Variants in GRIK4 observed in about 807,000 individuals in gnomAD.
GRIK4 encodes glutamate receptor ionotropic, kainate 4.
A neutral mutation model predicts 104.9 loss-of-function variants in GRIK4; 40 were observed. The observed-to-expected ratio is 0.38, with a 90% CI of 0.30 to 0.50. The LOEUF is 0.50. Ranked by LOEUF, GRIK4 falls within the 20% of genes least tolerant of loss-of-function variation. The probability of loss-of-function intolerance (pLI) is 0.93; values close to 1 mark genes in which losing one functional copy is unlikely to be tolerated. For missense variants in GRIK4, 1,047 were observed against 1,308.1 expected (o/e 0.80, Z 3.08); for synonymous variants, 485 against 524.9 (o/e 0.92, Z 1.04).
intron 3 of GRIK4, among the ~76,000 whole-genome samples, chr11:120,753,219 C>T (rs1490029218): frequency 6.6e-6 from 1 of 152,016 alleles, no homozygotes; most frequent in Non-Finnish European, 1.5e-5. Context: ...GGTGCGGAGC[C>T]TGAGGGGCCT....
chr11:120,741,275 CTTTTTTTTT>C (rs762543001), intron 3 of GRIK4, among the ~76,000 whole-genome samples: 4 of 106,920 alleles, frequency 3.7e-5, no homozygotes, highest in Non-Finnish European at 7.6e-5. Context: ...CGTGTGCTTT[CTTTTTTTTT>C]TTTTTTTTTT....
chr11:120,791,746 T>G (rs1365326813), intron 3 of GRIK4, among the ~76,000 whole-genome samples: 1 of 152,226 alleles, frequency 6.6e-6, no homozygotes, highest in Non-Finnish European at 1.5e-5. Flanking sequence ...GGTCCATTTT[T>G]TTTGTTAATT....
chr11:120,514,910 G>A (rs931440750), intron 1 of GRIK4: 5 of 452,670 alleles, frequency 1.1e-5, no homozygotes, highest in African/African-American at 4.0e-5. Flanking sequence ...CCTGAGTTAC[G>A]GTCCTGAAAG....
intron 13 of GRIK4, among the ~76,000 whole-genome samples, chr11:120,931,350 T>C (rs534026817): frequency 6.6e-6 from 1 of 152,312 alleles, no homozygotes; most frequent in South Asian, 2.1e-4. Flanking sequence ...TATTGTACCA[T>C]GGAGGTCATG....
chr11:120,777,580 C>A (rs562005257), intron 3 of GRIK4, among the ~76,000 whole-genome samples: 1 of 152,348 alleles, frequency 6.6e-6, no homozygotes, highest in East Asian at 1.9e-4. Context: ...TGGGGGCTGA[C>A]AGACAGACAA....
At chr11:120,669,727 C>G (rs1304969619) in intron 3 of GRIK4, among the ~76,000 whole-genome samples, 2 of 152,268 alleles carry the variant, frequency 1.3e-5, no homozygotes, top group African/African-American at 4.8e-5. Context: ...CCTTCTCAGT[C>G]TCCTTTGCTC....
intron 1 of GRIK4, among the ~76,000 whole-genome samples, chr11:120,628,690 G>GA (rs1163751115): frequency 6.6e-6 from 1 of 152,174 alleles, no homozygotes; most frequent in African/African-American, 2.4e-5. Context: ...GGGGCCTGAG[G>GA]AAGGCAATTT....
intron 3 of GRIK4, among the ~76,000 whole-genome samples, chr11:120,739,538 A>G (rs1225923983): frequency 2.0e-5 from 3 of 152,122 alleles, no homozygotes; most frequent in Admixed American, 2.0e-4. Flanking sequence ...CATGGAGATG[A>G]TTTTCTAGGT....
intron 1 of GRIK4, among the ~76,000 whole-genome samples, chr11:120,540,357 A>C (rs1369073852): frequency 2.0e-5 from 3 of 152,202 alleles, no homozygotes; most frequent in Non-Finnish European, 4.4e-5. Context: ...GTGGCGGCTC[A>C]TGCCTGTAAT....
At chr11:120,790,309 C>G (rs1952369486) in intron 3 of GRIK4, among the ~76,000 whole-genome samples, 1 of 152,084 alleles carries the variant, frequency 6.6e-6, no homozygotes, top group Non-Finnish European at 1.5e-5. Flanking sequence ...TTACCCATGT[C>G]AATTAGAAAG....
At chr11:120,972,012 G>T (rs1944483700) in intron 19 of GRIK4, among the ~76,000 whole-genome samples, 1 of 152,216 alleles carries the variant, frequency 6.6e-6, no homozygotes, top group Non-Finnish European at 1.5e-5. Flanking sequence ...CAGCCTACTT[G>T]TTCAGAATTT....
At chr11:120,708,703 TG>T (rs1013508091) in intron 3 of GRIK4, among the ~76,000 whole-genome samples, 2 of 152,216 alleles carry the variant, frequency 1.3e-5, no homozygotes, top group African/African-American at 4.8e-5. Context: ...TCAGTCGGGC[TG>T]GGCCAGAACG....
At chr11:120,858,720 CT>C (rs1427085087) in intron 8 of GRIK4, among the ~76,000 whole-genome samples, 2 of 152,186 alleles carry the variant, frequency 1.3e-5, no homozygotes, top group African/African-American at 4.8e-5. Flanking sequence ...TTGATAAATA[CT>C]GGCACATAAG....
At chr11:120,618,752 G>T (rs117307448) in intron 1 of GRIK4, among the ~76,000 whole-genome samples, 1 of 152,358 alleles carries the variant, frequency 6.6e-6, no homozygotes, top group Non-Finnish European at 1.5e-5. Flanking sequence ...AAGCCTTGGT[G>T]GTTTCCATGT....
chr11:120,871,482 T>G (rs1592014339), intron 9 of GRIK4: 2 of 390,444 alleles, frequency 5.1e-6, no homozygotes, highest in Non-Finnish European at 1.0e-5. Flanking sequence ...GACTCGGGAG[T>G]GTGGTGGCTC....
chr11:120,955,761 G>A (rs896356554), intron 15 of GRIK4, among the ~76,000 whole-genome samples: 2 of 152,066 alleles, frequency 1.3e-5, no homozygotes, highest in Non-Finnish European at 2.9e-5. Flanking sequence ...GGCCCCACCT[G>A]AGCCAATGAA....
rs1051428025 is a variant in GRIK4 at position 120,962,605 on chromosome 11, T to C, written c.2190T>C (p.Tyr730=). The change falls in exon 18 of 21, where the codon TAT becomes TAC. Residue 730 remains tyrosine, a synonymous_variant. Transcript: ENST00000527524. ...FLLESTMNEY[Y]RQRNCNLTQI... ...TGGAATCCACCATGAACGAGTACTATCGGCAGCGAAACTGCAACCTCACTC... is the reference window on the plus strand; with the variant it reads ...TGGAATCCACCATGAACGAGTACTACCGGCAGCGAAACTGCAACCTCACTC... 1.7e-5 allele frequency: 27 copies of C among 1,614,000 alleles called. No homozygotes were observed. The highest frequency in any genetic ancestry group is 1.7e-4 in the Admixed American group (10 of 59,998).
chr11:120,687,603 T>C (rs1297044448), intron 3 of GRIK4, among the ~76,000 whole-genome samples: 1 of 152,210 alleles, frequency 6.6e-6, no homozygotes, highest in Non-Finnish European at 1.5e-5. Flanking sequence ...ATAACTTTTT[T>C]ATTGAATGCT....
Position 120,805,999 on chromosome 11 carries a change from A to G in GRIK4, c.247+3142A>G, listed in dbSNP as rs529327447. ...CATGTATTAGCTGTGTGACGTAGAC[A>G]GGCTGTTTAACCATTTTGTGCCTCT... is the stretch of plus-strand genomic sequence containing the variant. On this transcript the variant is annotated intron_variant, in intron 4 of 20. Coordinates refer to ENST00000527524, the MANE Select transcript of GRIK4 (RefSeq NM_014619.5). 1.1e-4 allele frequency among the ~76,000 whole-genome samples: 16 copies of G among 152,346 alleles called. No individual in the cohort carries two copies. The South Asian group carries it at 1.7e-3, about 16-fold the overall frequency.
Sources: allele counts gnomAD v4.1 joint callset (sites outside exome capture counted in the v4.1 genomes callset), GRCh38; gene constraint gnomAD v4.1.1; transcripts MANE v1.5; gene names NCBI Gene and HGNC (gene_info 2026-07-23, HGNC 2026-07-21).